Variants in RASAL2 observed in about 807,000 individuals in gnomAD.
The protein encoded by RASAL2 is RAS protein activator like 2.
In RASAL2, 58 loss-of-function variants were observed where a neutral mutation model predicts 128.9. The observed-to-expected ratio is 0.45, with a 90% CI of 0.36 to 0.56. The LOEUF is 0.56. Ranked by LOEUF, RASAL2 falls within the 20% of genes least tolerant of loss-of-function variation. RASAL2 has a pLI of 0.00. For synonymous variants in RASAL2, 561 were observed against 580.8 expected, an observed-to-expected ratio of 0.97 and a Z score of 0.49; for missense variants, 1,360 against 1,601.6, an observed-to-expected ratio of 0.85 and a Z score of 2.57.
At chr1:178,206,500 G>C (rs1180936188) in intron 1 of RASAL2, among the ~76,000 whole-genome samples, 1 of 152,220 alleles carries the variant, frequency 6.6e-6, no homozygotes, top group Non-Finnish European at 1.5e-5. Flanking sequence ...AGAAGGTTAA[G>C]TGACAAGCCA....
At chr1:178,213,177 A>G (rs896475302) in intron 1 of RASAL2, among the ~76,000 whole-genome samples, 3 of 152,220 alleles carry the variant, frequency 2.0e-5, no homozygotes, top group South Asian at 2.1e-4. Context: ...CTGGGACTAC[A>G]GGTGCATGCT....
chr1:178,237,105 C>T (rs750595286), intron 1 of RASAL2, among the ~76,000 whole-genome samples: 8 of 151,876 alleles, frequency 5.3e-5, no homozygotes, highest in Non-Finnish European at 8.8e-5. Context: ...TTTAATCCTC[C>T]GAATAATCCT....
At chr1:178,215,357 CTCT>C (rs1558119681) in intron 1 of RASAL2, among the ~76,000 whole-genome samples, 1 of 152,232 alleles carries the variant, frequency 6.6e-6, no homozygotes, top group Non-Finnish European at 1.5e-5. Context: ...TGGGTTCTCT[CTCT>C]TCTTCTCTGG....
chr1:178,243,775 A>G (rs1052970708), intron 1 of RASAL2, among the ~76,000 whole-genome samples: 1 of 151,670 alleles, frequency 6.6e-6, no homozygotes, highest in Non-Finnish European at 1.5e-5. Flanking sequence ...CAAATCAGCC[A>G]TTTTTCTTTT....
intron 2 of RASAL2, among the ~76,000 whole-genome samples, chr1:178,298,174 G>A (rs2862319): frequency 0.045 from 6,912 of 152,200 alleles, 537 homozygotes; most frequent in African/African-American, 0.15. Context: ...AAACCTATCA[G>A]TGATACTCTT....
At chr1:178,446,833 T>C (rs912983144) in intron 9 of RASAL2, among the ~76,000 whole-genome samples, 3 of 152,194 alleles carry the variant, frequency 2.0e-5, no homozygotes, top group African/African-American at 7.2e-5. Context: ...TACATTTATG[T>C]TTTGTATGTA....
chr1:178,359,295 G>T (rs988390463), intron 3 of RASAL2, among the ~76,000 whole-genome samples: 2 of 152,094 alleles, frequency 1.3e-5, no homozygotes, highest in African/African-American at 4.8e-5. Context: ...TTTTCAGCAT[G>T]TACTGATATA....
intron 1 of RASAL2, among the ~76,000 whole-genome samples, chr1:178,100,393 G>A (rs1658848920): frequency 6.6e-6 from 1 of 151,362 alleles, no homozygotes; most frequent in Non-Finnish European, 1.5e-5. Context: ...GGGCATGGTG[G>A]CACATCTGTA....
chr1:178,410,760 G>A (rs990569402), intron 4 of RASAL2, among the ~76,000 whole-genome samples: 4 of 151,354 alleles, frequency 2.6e-5, no homozygotes, highest in African/African-American at 7.3e-5. Context: ...GCCAAGAAAC[G>A]TCAAAAAAAT....
intron 1 of RASAL2, among the ~76,000 whole-genome samples, chr1:178,222,647 A>G (rs981163453): frequency 2.0e-5 from 3 of 152,134 alleles, no homozygotes; most frequent in African/African-American, 7.2e-5. Context: ...AGGTTATGAG[A>G]ATATTTATTT....
chr1:178,111,325 T>G (rs1372201078), intron 1 of RASAL2, among the ~76,000 whole-genome samples: 1 of 152,202 alleles, frequency 6.6e-6, no homozygotes, highest in African/African-American at 2.4e-5. Flanking sequence ...CCCAGGCTTA[T>G]CTCAAACTCC....
At chr1:178,313,795 G>A (rs1668368580) in intron 3 of RASAL2, among the ~76,000 whole-genome samples, 1 of 152,144 alleles carries the variant, frequency 6.6e-6, no homozygotes, top group Non-Finnish European at 1.5e-5. Context: ...ATAGTCACTT[G>A]TAGTAAGATA....
intron 4 of RASAL2, among the ~76,000 whole-genome samples, chr1:178,392,048 T>C (rs1470906659): frequency 2.0e-5 from 3 of 152,242 alleles, no homozygotes; most frequent in East Asian, 1.9e-4. Flanking sequence ...GACACACTTA[T>C]TGAATGCTTA....
At chr1:178,298,607 C>T (rs1667620379) in intron 2 of RASAL2, among the ~76,000 whole-genome samples, 1 of 152,134 alleles carries the variant, frequency 6.6e-6, no homozygotes, top group Middle Eastern at 3.2e-3. Context: ...TTTGCTGGAT[C>T]AATTGATGCA....
chr1:178,167,436 A>G (rs1320678843), intron 1 of RASAL2, among the ~76,000 whole-genome samples: 1 of 152,132 alleles, frequency 6.6e-6, no homozygotes, highest in Non-Finnish European at 1.5e-5. Context: ...ATAAAATTTC[A>G]GTTACTTAAT....
At chr1:178,425,210 CA>C (rs1455290004) in intron 5 of RASAL2, among the ~76,000 whole-genome samples, 1 of 151,938 alleles carries the variant, frequency 6.6e-6, no homozygotes, top group Non-Finnish European at 1.5e-5. Flanking sequence ...AAATAATGAG[CA>C]AAAGTAGAAA....
At chr1:178,332,267 G>A (rs1270587153) in intron 3 of RASAL2, among the ~76,000 whole-genome samples, 4 of 152,046 alleles carry the variant, frequency 2.6e-5, no homozygotes, top group Middle Eastern at 3.4e-3. Context: ...TTGGGAGGCC[G>A]AGGCGGGCAG....
intron 1 of RASAL2, among the ~76,000 whole-genome samples, chr1:178,261,042 A>C (rs1665669665): frequency 6.6e-6 from 1 of 152,206 alleles, no homozygotes; most frequent in African/African-American, 2.4e-5. Context: ...GAAGGTGTGG[A>C]GGTCATTCTA....
chr1:178,361,462 T>C (rs1474765752), intron 3 of RASAL2, among the ~76,000 whole-genome samples: 2 of 152,226 alleles, frequency 1.3e-5, no homozygotes, highest in Non-Finnish European at 2.9e-5. Flanking sequence ...GTATACATTC[T>C]CCATAGCTAT....
Sources: allele counts gnomAD v4.1 joint callset (sites outside exome capture counted in the v4.1 genomes callset), GRCh38; gene constraint gnomAD v4.1.1; transcripts MANE v1.5; gene names NCBI Gene and HGNC (gene_info 2026-07-23, HGNC 2026-07-21).